SERGEF: variants seen among roughly 807,000 people sequenced by gnomAD.
The protein encoded by SERGEF is secretion regulating guanine nucleotide exchange factor, also known as secretion-regulating guanine nucleotide exchange factor.
A neutral mutation model predicts 50.0 loss-of-function variants in SERGEF; 51 were observed. That is an observed-to-expected ratio of 1.02 (90% confidence interval 0.81 to 1.29). The LOEUF (loss-of-function observed/expected upper bound fraction) is 1.29. Among genes scored for constraint, SERGEF ranks in the 50% most tolerant of loss-of-function variants. The pLI, the probability that SERGEF is intolerant of heterozygous loss-of-function variation, is 0.00. For missense variants in SERGEF, 521 were observed against 557.0 expected (o/e 0.94, Z 0.65); for synonymous variants, 205 against 212.4 (o/e 0.97, Z 0.30).
chr11:18,000,414 A>G, intron 5 of SERGEF, 83 bp downstream of exon 5: 1 of 918,894 alleles, frequency 1.1e-6, no homozygotes, highest in Non-Finnish European at 1.6e-6. Context: ...GAGCCACTGC[A>G]CTCCAGCCTG....
chr11:18,006,546 C>A (rs1231616446), intron 3 of SERGEF, 45 bp downstream of exon 3: 2 of 1,582,802 alleles, frequency 1.3e-6, no homozygotes, highest in Non-Finnish European at 1.7e-6. Flanking sequence ...CTGTTCTCAC[C>A]CAAAGCCTTT....
chr11:17,812,151 T>C (rs1285251577), intron 10 of SERGEF, among the ~76,000 whole-genome samples: 1 of 152,118 alleles, frequency 6.6e-6, no homozygotes, highest in African/African-American at 2.4e-5. Flanking sequence ...CACTTCTCCA[T>C]GGCAACGAGC....
chr11:17,909,657 C>A (rs971552485), intron 9 of SERGEF, among the ~76,000 whole-genome samples: 57 of 152,182 alleles, frequency 3.7e-4, no homozygotes, highest in African/African-American at 1.3e-3. Context: ...CAAACCAGAA[C>A]TACATTTGTG....
chr11:17,999,483 C>A, intron 5 of SERGEF: 1 of 435,690 alleles, frequency 2.3e-6, no homozygotes, highest in Admixed American at 2.6e-5. Context: ...CTGCATTGAG[C>A]TCTTCCTCAC....
At chr11:18,002,161 C>T in intron 4 of SERGEF, 1 of 371,028 alleles carries the variant, frequency 2.7e-6, no homozygotes, top group Non-Finnish European at 5.3e-6. Flanking sequence ...TTGTTTTTCC[C>T]CAAAAAACTA....
rs1853395406 is a variant in SERGEF, at chr11:17,977,180, C to A, written c.844+11417G>T. Among the ~76,000 whole-genome samples, 5 of 152,348 alleles carry A rather than the reference C, an allele frequency of 3.3e-5. No homozygotes were observed. The South Asian group carries it at 1.0e-3, about 32-fold the overall frequency. On this transcript the variant is annotated intron_variant, in intron 8 of 10. Transcript: ENST00000265965. ...TGAATAAAGCAGACCAAGTCCCTAA[C>A]CTTGTGGGGCTCACATTCGGTTAGG...
At chr11:17,840,160 T>C (rs778748148) in intron 10 of SERGEF, among the ~76,000 whole-genome samples, 1 of 152,160 alleles carries the variant, frequency 6.6e-6, no homozygotes, top group Non-Finnish European at 1.5e-5. Flanking sequence ...TCCACTGACA[T>C]AGAGAATGCC....
At chr11:17,844,603 C>A (rs767723567) in intron 10 of SERGEF, among the ~76,000 whole-genome samples, 1 of 152,176 alleles carries the variant, frequency 6.6e-6, no homozygotes. Context: ...TTTGCCAAAG[C>A]CTTGCGTCTT....
intron 10 of SERGEF, among the ~76,000 whole-genome samples, chr11:17,806,581 G>A (rs1295652071): frequency 6.6e-6 from 1 of 152,166 alleles, no homozygotes; most frequent in East Asian, 1.9e-4. Context: ...TAGTTCCACA[G>A]CCTCTGTATT....
intron 10 of SERGEF, among the ~76,000 whole-genome samples, chr11:17,836,383 G>A (rs942023348): frequency 6.6e-6 from 1 of 152,244 alleles, no homozygotes; most frequent in African/African-American, 2.4e-5. Context: ...GGGCTTACTT[G>A]AAAGCCTCAT....
At chr11:17,911,772 T>A (rs1203255431) in intron 9 of SERGEF, among the ~76,000 whole-genome samples, 1 of 152,110 alleles carries the variant, frequency 6.6e-6, no homozygotes, top group Admixed American at 6.6e-5. Flanking sequence ...ATAGGCATTA[T>A]CTACCATGCC....
intron 9 of SERGEF, among the ~76,000 whole-genome samples, chr11:17,948,535 C>G (rs1852713869): frequency 6.6e-6 from 1 of 152,208 alleles, no homozygotes; most frequent in Non-Finnish European, 1.5e-5. Context: ...AATAAAACCA[C>G]AGAGAAGAAA....
At chr11:17,932,306 T>A (rs959805309) in intron 9 of SERGEF, among the ~76,000 whole-genome samples, 1 of 152,164 alleles carries the variant, frequency 6.6e-6, no homozygotes, top group African/African-American at 2.4e-5. Context: ...TTTCTTCAAC[T>A]GAGAGCCCAT....
chr11:17,897,492 G>A (rs1315772373), intron 9 of SERGEF, among the ~76,000 whole-genome samples: 1 of 152,114 alleles, frequency 6.6e-6, no homozygotes, highest in Non-Finnish European at 1.5e-5. Flanking sequence ...CTAATACAAT[G>A]GATAAGTGAA....
chr11:17,971,176 G>A (rs556263334), intron 8 of SERGEF, among the ~76,000 whole-genome samples: 8 of 152,088 alleles, frequency 5.3e-5, no homozygotes, highest in South Asian at 2.1e-4. Flanking sequence ...GCTGGGCGAC[G>A]CAGCGAGACT....
intron 10 of SERGEF, among the ~76,000 whole-genome samples, chr11:17,871,367 A>C (rs1851133847): frequency 6.6e-6 from 1 of 151,046 alleles, no homozygotes; most frequent in Non-Finnish European, 1.5e-5. Flanking sequence ...AGGCTGAGGC[A>C]GGAGAATAGC....
At chr11:18,012,790 C>CCAACAA in intron 1 of SERGEF, 161 bp downstream of exon 1, 4 of 1,211,614 alleles carry the variant, frequency 3.3e-6, no homozygotes, top group African/African-American at 1.5e-5. Context: ...CCCGCCCGCT[C>CCAACAA]CTCCTCCGCT....
At chr11:17,966,751 T>G (rs901556774) in intron 8 of SERGEF, among the ~76,000 whole-genome samples, 5 of 152,194 alleles carry the variant, frequency 3.3e-5, no homozygotes, top group Admixed American at 1.3e-4. Context: ...TTTTTTTAAG[T>G]TAATACAGAA....
chr11:17,992,926 C>T lies in SERGEF; in HGVS notation c.685+5G>A. The stretch of plus-strand genomic sequence containing the variant: ...ATGTTAAACCGTGAAAGAGCTGGTA[C>T]CTACCTGTTAATGAAGCTGAGTGGT... On this transcript the variant is annotated splice_donor_5th_base_variant and intron_variant, in intron 7 of 10. Coordinates refer to ENST00000265965, the MANE Select transcript of SERGEF (RefSeq NM_012139.4). The T allele has an allele frequency of 6.2e-7, 1 of 1,613,144 alleles. No homozygotes were observed. Among genetic ancestry groups the T allele is most frequent in the Non-Finnish European group, 8.5e-7 (1 of 1,179,094 alleles).
Sources: allele counts gnomAD v4.1 joint callset (sites outside exome capture counted in the v4.1 genomes callset), GRCh38; gene constraint gnomAD v4.1.1; transcripts MANE v1.5; gene names NCBI Gene and HGNC (gene_info 2026-07-23, HGNC 2026-07-21).